KCNQ5: variants seen among roughly 807,000 people sequenced by gnomAD.
KCNQ5 encodes the protein potassium voltage-gated channel subfamily Q member 5, also known as potassium voltage-gated channel subfamily KQT member 5.
KCNQ5 carries 30 observed loss-of-function variants against 98.2 expected under a neutral mutation model. The ratio of observed to expected loss-of-function variants is 0.31; its 90% CI spans 0.23 to 0.41. The LOEUF (loss-of-function observed/expected upper bound fraction) is 0.41, where lower values mean the gene tolerates loss of function less well. KCNQ5 is among the 10% of genes least tolerant of loss of function. The pLI, the probability that KCNQ5 is intolerant of heterozygous loss-of-function variation, is 1.00. For missense variants in KCNQ5, 835 were observed against 1,182.5 expected (o/e 0.71, Z 4.31); for synonymous variants, 458 against 449.4 (o/e 1.02, Z -0.24).
chr6:72,655,299 T>C (rs542133060), intron 1 of KCNQ5, among the ~76,000 whole-genome samples: 2 of 152,038 alleles, frequency 1.3e-5, no homozygotes, highest in Non-Finnish European at 2.9e-5. Flanking sequence ...TCAGCAAATA[T>C]GTATTGACTT....
chr6:72,793,403 C>T (rs2154478323), intron 1 of KCNQ5, among the ~76,000 whole-genome samples: 1 of 152,310 alleles, frequency 6.6e-6, no homozygotes, highest in Non-Finnish European at 1.5e-5. Context: ...TATACATTTG[C>T]AGCAGTTGCA....
chr6:72,948,979 G>C (rs1766672866), intron 1 of KCNQ5, among the ~76,000 whole-genome samples: 1 of 151,874 alleles, frequency 6.6e-6, no homozygotes, highest in Non-Finnish European at 1.5e-5. Context: ...CTCTTTTTTG[G>C]TTAGTATTGT....
At chr6:72,835,500 T>C (rs1329255752) in intron 1 of KCNQ5, among the ~76,000 whole-genome samples, 1 of 152,188 alleles carries the variant, frequency 6.6e-6, no homozygotes, top group African/African-American at 2.4e-5. Context: ...ATAAGGAATA[T>C]ATTTTTTCAT....
At chr6:72,838,046 G>A (rs1308597285) in intron 1 of KCNQ5, among the ~76,000 whole-genome samples, 2 of 151,094 alleles carry the variant, frequency 1.3e-5, no homozygotes, top group African/African-American at 2.4e-5. Flanking sequence ...TTGGTGTGCT[G>A]CACCCACTAA....
chr6:72,671,284 G>T (rs1309164494), intron 1 of KCNQ5, among the ~76,000 whole-genome samples: 1 of 152,196 alleles, frequency 6.6e-6, no homozygotes, highest in Non-Finnish European at 1.5e-5. Flanking sequence ...CAGGAGAAAG[G>T]AATAGGGATA....
At position 72,815,627 on chromosome 6, in the gene KCNQ5, G is replaced by A. The variant is rs944827561; in HGVS notation, c.399-188281G>A. Among the ~76,000 whole-genome samples, 14 of 152,186 alleles carry A rather than the reference G, an allele frequency of 9.2e-5. No individual in the cohort carries two copies. The South Asian group carries it at 1.2e-3, about 14-fold the overall frequency. ...GTGATTCTGCAGGCAATGAGGATCC[G>A]AGGAAAACCTTGTATCAGAGTAGTA... On this transcript the variant is annotated intron_variant, in intron 1 of 13. Transcript: ENST00000370398.
intron 5 of KCNQ5, among the ~76,000 whole-genome samples, chr6:73,092,634 T>A (rs909384370): frequency 2.0e-5 from 3 of 152,168 alleles, no homozygotes; most frequent in Non-Finnish European, 4.4e-5. Flanking sequence ...ATGCTAGATT[T>A]TGTTGAATGC....
intron 1 of KCNQ5, among the ~76,000 whole-genome samples, chr6:72,924,741 G>T (rs570031654): frequency 1.3e-5 from 2 of 152,074 alleles, no homozygotes; most frequent in Non-Finnish European, 2.9e-5. Flanking sequence ...TGCTGTCTTG[G>T]TTTGCCTACA....
chr6:72,734,230 G>A (rs898371303), intron 1 of KCNQ5, among the ~76,000 whole-genome samples: 3 of 152,222 alleles, frequency 2.0e-5, no homozygotes, highest in African/African-American at 4.8e-5. Flanking sequence ...ACTGAAAAAT[G>A]TTATTTAATT....
chr6:72,996,933 C>G (rs1436528402), intron 1 of KCNQ5, among the ~76,000 whole-genome samples: 1 of 152,162 alleles, frequency 6.6e-6, no homozygotes, highest in Non-Finnish European at 1.5e-5. Flanking sequence ...ATAAAACCAA[C>G]CTCAAACATC....
chr6:72,685,191 T>C (rs1767889356), intron 1 of KCNQ5, among the ~76,000 whole-genome samples: 2 of 152,218 alleles, frequency 1.3e-5, no homozygotes, highest in African/African-American at 4.8e-5. Context: ...TTTAGTAACC[T>C]GTATTGAAAG....
rs766638887 is a variant in KCNQ5, at chr6:73,119,554, G to A, written c.1126-929G>A. On this transcript the variant is annotated intron_variant, in intron 7 of 13. Coordinates refer to ENST00000370398, the MANE Select transcript of KCNQ5 (RefSeq NM_019842.4). ...TAGGTGTTTTGCAGCTATACACCTA[G>A]AGAGTACATTTTCCCCATCCTGTTT... Among the ~76,000 whole-genome samples the A allele has an allele frequency of 2.6e-5, 4 of 152,312 alleles. No homozygotes were observed. In the East Asian group the frequency reaches 5.8e-4, roughly 22 times the overall value.
chr6:72,689,785 T>G (rs1240195353), intron 1 of KCNQ5, among the ~76,000 whole-genome samples: 6 of 58,758 alleles, frequency 1.0e-4, no homozygotes, highest in African/African-American at 3.4e-4. Context: ...AAACAAGCGT[T>G]TTTTTTTTTT....
chr6:73,124,515 T>C lies in KCNQ5; in HGVS notation c.1247+3T>C. 6.2e-7 allele frequency: 1 copy of C among 1,613,386 alleles called. No individual in the cohort carries two copies. The highest frequency in any genetic ancestry group is 1.1e-5 in the South Asian group (1 of 91,036). ...GAACAAGGGGAAGCATCAAGCAGGT[T>C]TGTGATTTCTCTCTTGCTACATGTT... On this transcript the variant is annotated splice_donor_region_variant and intron_variant, in intron 9 of 13. Coordinates refer to ENST00000370398, the MANE Select transcript of KCNQ5 (RefSeq NM_019842.4).
chr6:72,929,353 G>T (rs573625960), intron 1 of KCNQ5, among the ~76,000 whole-genome samples: 9 of 152,014 alleles, frequency 5.9e-5, no homozygotes, highest in Non-Finnish European at 1.0e-4. Context: ...ACAATGAACT[G>T]CCCACTCCCT....
chr6:72,636,861 T>A (rs951089979), intron 1 of KCNQ5, among the ~76,000 whole-genome samples: 2 of 152,222 alleles, frequency 1.3e-5, no homozygotes, highest in Non-Finnish European at 2.9e-5. Flanking sequence ...CTTTCTCCAG[T>A]GGCATTTAGC....
intron 1 of KCNQ5, among the ~76,000 whole-genome samples, chr6:72,837,446 T>C (rs2150129398): frequency 6.6e-6 from 1 of 152,150 alleles, no homozygotes; most frequent in East Asian, 1.9e-4. Context: ...GTACCTTGCC[T>C]TTGTATGTAA....
At chr6:73,014,823 GCTATATAAATATTCA>G (rs1770246756) in intron 2 of KCNQ5, among the ~76,000 whole-genome samples, 1 of 151,894 alleles carries the variant, frequency 6.6e-6, no homozygotes, top group Non-Finnish European at 1.5e-5. Context: ...ATTTTTAATT[GCTATATAAATATTCA>G]CTATATATAT....
chr6:72,860,869 G>C (rs1250560034), intron 1 of KCNQ5, among the ~76,000 whole-genome samples: 1 of 151,556 alleles, frequency 6.6e-6, no homozygotes, highest in African/African-American at 2.4e-5. Flanking sequence ...GTGTGTGTGT[G>C]TGTGTATGTT....
Sources: gnomAD v4.1 joint callset for allele counts (sites outside exome capture counted in the v4.1 genomes callset) on GRCh38, gnomAD v4.1.1 for gene constraint, MANE v1.5 for transcripts, NCBI Gene and HGNC (gene_info 2026-07-23, HGNC 2026-07-21) for gene names.